GRAMD4: variants seen among roughly 807,000 people sequenced by gnomAD.
GRAMD4 encodes the protein GRAM domain-containing protein 4.
A neutral mutation model predicts 83.9 loss-of-function variants in GRAMD4; 25 were observed. That is an observed-to-expected ratio of 0.30 (90% CI 0.22 to 0.42). GRAMD4 has a LOEUF of 0.42. Among genes scored for constraint, GRAMD4 ranks in the 10% least tolerant of loss-of-function variants. GRAMD4 has a pLI of 1.00. For missense variants in GRAMD4, 593 were observed against 788.7 expected (o/e 0.75, Z 2.97); for synonymous variants, 336 against 320.9 (o/e 1.05, Z -0.50).
At chr22:46,576,786 C>G (rs1352212742), upstream of GRAMD4, among the ~76,000 whole-genome samples, 1 of 3,638 alleles carries the variant, frequency 2.7e-4, no homozygotes, top group Non-Finnish European at 4.2e-4. Flanking sequence ...CAGCAGCGAG[C>G]GTGCTCCCGC....
intron 2 of GRAMD4, among the ~76,000 whole-genome samples, chr22:46,629,770 A>G (rs941681890): frequency 8.5e-5 from 13 of 152,214 alleles, no homozygotes; most frequent in South Asian, 8.3e-4. Flanking sequence ...AAAGGTTTTT[A>G]TCACCTGAAA....
chr22:46,651,892 T>A (rs1214235314), intron 3 of GRAMD4, among the ~76,000 whole-genome samples: 3 of 152,070 alleles, frequency 2.0e-5, no homozygotes, highest in African/African-American at 7.2e-5. Context: ...GACGCTGTAC[T>A]CCTTTAGGGC....
At chr22:46,626,721 C>T (rs912523706) in intron 1 of GRAMD4, 30 bp from the exon 2 acceptor site, 35 of 1,445,536 alleles carry the variant, frequency 2.4e-5, no homozygotes, top group Admixed American at 1.8e-4. Context: ...AGGTGGCGAG[C>T]GGGAGAGTGA....
rs776801224 is a variant in GRAMD4 at position 46,637,879 on chromosome 22, G to T, written c.202G>T (p.Asp68Tyr). 1 of 1,614,014 alleles carries T rather than the reference G, an allele frequency of 6.2e-7. No individual in the cohort carries two copies. Among genetic ancestry groups the T allele is most frequent in the East Asian group, 2.2e-5 (1 of 44,884 alleles). ...CCTCATCATGGCCACAGGAGTCCAG[G>T]ACTTTAACCGGACAGAGTTTGATCG... is the stretch of plus-strand genomic sequence containing the variant. The part of the protein sequence containing the change: ...GTLIMATGVQ[D>Y]FNRTEFDRLN... The change falls in exon 3 of 19, where the codon GAC becomes TAC. Residue 68 changes from aspartate to tyrosine, a missense_variant. Asp to Tyr is a radical substitution (Grantham distance 160). This residue lies in a region of GRAMD4 where 312 missense variants were observed against 350.7 expected (regional missense o/e 0.89). Coordinates refer to ENST00000406902, the MANE Select transcript of GRAMD4 (RefSeq NM_015124.5).
chr22:46,634,892 G>A (rs922101375), intron 2 of GRAMD4, among the ~76,000 whole-genome samples: 15 of 151,594 alleles, frequency 9.9e-5, no homozygotes, highest in East Asian at 5.8e-4. Flanking sequence ...GCAGTGATCC[G>A]AGATCATGTC....
Position 46,655,242 on chromosome 22 carries a change from G to A in GRAMD4, c.284-2945G>A, listed in dbSNP as rs184100019. 2.7e-3 allele frequency among the ~76,000 whole-genome samples: 409 copies of A among 152,156 alleles called. 2 individuals are homozygous for A. Among genetic ancestry groups the A allele is most frequent in the African/African-American group, 9.4e-3 (390 of 41,516 alleles). On this transcript the variant is annotated intron_variant, in intron 3 of 18. Coordinates refer to ENST00000406902, the MANE Select transcript of GRAMD4 (RefSeq NM_015124.5). The stretch of plus-strand genomic sequence containing the variant: ...TTAAGCCCAAAAAGCAAAGATGAGG[G>A]GTGGTGTGGAGGGTGCTGAGGCTGG...
chr22:46,591,020 A>G (rs1257056260), intron 1 of GRAMD4, among the ~76,000 whole-genome samples: 1 of 152,004 alleles, frequency 6.6e-6, no homozygotes, highest in South Asian at 2.1e-4. Context: ...AGATCGTGCC[A>G]CCGGACTCCA....
intron 1 of GRAMD4, among the ~76,000 whole-genome samples, chr22:46,608,035 C>G (rs573450632): frequency 6.6e-6 from 1 of 152,334 alleles, no homozygotes; most frequent in South Asian, 2.1e-4. Context: ...TATCCTTGCG[C>G]TGAGGGTCCT....
At chr22:46,648,887 G>C (rs1601631749) in intron 3 of GRAMD4, among the ~76,000 whole-genome samples, 1 of 140,482 alleles carries the variant, frequency 7.1e-6, no homozygotes, top group Non-Finnish European at 1.5e-5. Context: ...TGGATGGATG[G>C]ATGGATGGAT....
chr22:46,680,818 C>CCATCCATT (rs1232129967), downstream of GRAMD4, among the ~76,000 whole-genome samples: 1 of 94,396 alleles, frequency 1.1e-5, no homozygotes, highest in South Asian at 3.5e-4. Context: ...ATCCATCCAT[C>CCATCCATT]CATCCATCCA....
intron 3 of GRAMD4, among the ~76,000 whole-genome samples, chr22:46,644,697 GTTTTTT>G (rs71192437): frequency 0.017 from 1,677 of 97,220 alleles, 32 homozygotes; most frequent in Middle Eastern, 0.027. Context: ...CTTGTTCCCT[GTTTTTT>G]TTTTTTTTTT....
chr22:46,593,493 C>T (rs1442572447), intron 1 of GRAMD4, among the ~76,000 whole-genome samples: 2 of 152,192 alleles, frequency 1.3e-5, no homozygotes, highest in East Asian at 3.9e-4. Context: ...CAGGGCCTAC[C>T]GAGAGTCCCA....
chr22:46,608,657 C>T (rs888220757), intron 1 of GRAMD4, among the ~76,000 whole-genome samples: 4 of 152,052 alleles, frequency 2.6e-5, no homozygotes, highest in Admixed American at 6.6e-5. Flanking sequence ...ACAGCCTGGG[C>T]GACAAGAGCG....
upstream of GRAMD4, among the ~76,000 whole-genome samples, chr22:46,576,944 G>A (rs1177335616): frequency 2.7e-5 from 4 of 145,770 alleles, no homozygotes; most frequent in African/African-American, 9.8e-5. Flanking sequence ...TGGCGCACGC[G>A]GACCCGCCAG....
chr22:46,616,096 TC>T (rs1361144214), upstream of GRAMD4, among the ~76,000 whole-genome samples: 2 of 140,224 alleles, frequency 1.4e-5, no homozygotes, highest in African/African-American at 2.7e-5. Context: ...GCGTGTAGGT[TC>T]CCCCTTGTGT....
At chr22:46,619,938 A>T (rs553667324), upstream of GRAMD4, among the ~76,000 whole-genome samples, 14 of 152,266 alleles carry the variant, frequency 9.2e-5, no homozygotes, top group South Asian at 2.7e-3. Flanking sequence ...GATGCTGTTT[A>T]TCCCAGGATC....
Position 46,614,054 on chromosome 22 carries a change from T to C in GRAMD4, c.-49-12697T>C, listed in dbSNP as rs540558816. Among the ~76,000 whole-genome samples, 5 of 152,320 alleles carry C rather than the reference T, an allele frequency of 3.3e-5. No homozygotes were observed. The South Asian group carries it at 1.0e-3, about 32-fold the overall frequency. The stretch of plus-strand genomic sequence containing the variant: ...AGCTGATTGATGGATTTTCAGGAAT[T>C]CTGTGAGTTGGCCGTTAATAAAAAT... On this transcript the variant is annotated intron_variant, in intron 1 of 1. Transcript: ENST00000431155.
downstream of GRAMD4, among the ~76,000 whole-genome samples, chr22:46,679,993 G>A (rs2082651186): frequency 6.6e-6 from 1 of 152,244 alleles, no homozygotes; most frequent in African/African-American, 2.4e-5. Flanking sequence ...AGTCCTGTTG[G>A]ACGTGGGCAT....
rs571520978 is a variant in GRAMD4 at position 46,656,654 on chromosome 22, G to T, written c.284-1533G>T. The stretch of plus-strand genomic sequence containing the variant: ...TTCCAGGCTTAGAAGCCTGCCTTCA[G>T]CCTTGGGCTGCTGGCCAGACCCCCA... On this transcript the variant is annotated intron_variant, in intron 3 of 18. Transcript: ENST00000406902. Among the ~76,000 whole-genome samples, 26 of 152,358 alleles carry T rather than the reference G, an allele frequency of 1.7e-4. No homozygotes were observed. In the South Asian group the frequency reaches 5.4e-3, roughly 32 times the overall value.
Sources: gnomAD v4.1 joint callset for allele counts (sites outside exome capture counted in the v4.1 genomes callset) on GRCh38, gnomAD v4.1.1 for gene constraint, gnomAD v4.1.1 regional missense constraint, MANE v1.5 for transcripts, NCBI Gene and HGNC (gene_info 2026-07-23, HGNC 2026-07-21) for gene names.